Variants in PHACTR3 observed in about 807,000 individuals in gnomAD.
PHACTR3 encodes phosphatase and actin regulator 3, also known as protein phosphatase 1, regulatory subunit 123.
Under a neutral mutation model 66.8 loss-of-function variants are expected in PHACTR3, and 16 were observed. The observed-to-expected ratio is 0.24, with a 90% CI of 0.16 to 0.36. The LOEUF (loss-of-function observed/expected upper bound fraction) is 0.36. Ranked by LOEUF, PHACTR3 falls within the 10% of genes least tolerant of loss-of-function variation. The pLI is 1.00. For synonymous variants in PHACTR3, 323 were observed against 292.1 expected, an observed-to-expected ratio of 1.11 and a Z score of -1.08; for missense variants, 647 against 719.9, an observed-to-expected ratio of 0.90 and a Z score of 1.16.
intron 1 of PHACTR3, among the ~76,000 whole-genome samples, chr20:59,655,988 T>A (rs2035609338): frequency 6.6e-6 from 1 of 151,932 alleles, no homozygotes; most frequent in East Asian, 1.9e-4. Context: ...CTAATTTCAT[T>A]CCATTGTGGT....
chr20:59,600,817 C>T (rs1038975067), upstream of PHACTR3, among the ~76,000 whole-genome samples: 7 of 152,004 alleles, frequency 4.6e-5, no homozygotes, highest in African/African-American at 1.7e-4. Context: ...GGGGGTCCTT[C>T]GATGAGCTTC....
intron 1 of PHACTR3, among the ~76,000 whole-genome samples, chr20:59,670,614 G>A (rs115734029): frequency 3.1e-5 from 4 of 130,962 alleles, no homozygotes; most frequent in Admixed American, 7.9e-5. Flanking sequence ...GTGGGGGGGG[G>A]GGGCAGGCAC....
At chr20:59,700,744 G>A (rs147674575) in intron 1 of PHACTR3, among the ~76,000 whole-genome samples, 13 of 152,244 alleles carry the variant, frequency 8.5e-5, no homozygotes, top group African/African-American at 2.4e-4. Context: ...GGTAGTTCAC[G>A]TTTCCATGCT....
chr20:59,676,647 CT>C, intron 1 of PHACTR3: 1 of 980,810 alleles, frequency 1.0e-6, no homozygotes, highest in South Asian at 4.7e-5. Flanking sequence ...TGTGAGGGCT[CT>C]TTGCCAATCT....
rs371375162 is a variant in PHACTR3 at position 59,731,698 on chromosome 20, T to C, written c.119-11409T>C. Among the ~76,000 whole-genome samples, 6 of 152,294 alleles carry C rather than the reference T, an allele frequency of 3.9e-5. No homozygotes were observed. The East Asian group carries it at 5.8e-4, about 15-fold the overall frequency. On this transcript the variant is annotated intron_variant, in intron 1 of 12. Transcript: ENST00000371015. ...AAAAGAAGCCACTTTAATAATGTCT[T>C]GATTTTTCCACTGGTGTCAGAGTCA...
At position 59,738,401 on chromosome 20, in the gene PHACTR3, A is replaced by AGAAGGGAAGCCCTGGGGCTTCCCTGGG. The variant is rs1390753494; in HGVS notation, c.119-4696_119-4695insCCTGGGGCTTCCCTGGGGAAGGGAAGC. On this transcript the variant is annotated intron_variant, in intron 1 of 12. Coordinates refer to ENST00000371015, the MANE Select transcript of PHACTR3 (RefSeq NM_080672.5). The surrounding 1 kb of genome is among the most constrained non-coding windows in gnomAD (Gnocchi z 4.4). ...ATTAACTTGGATTTTGTCCTAAATG[A>AGAAGGGAAGCCCTGGGGCTTCCCTGGG]GAAGGGAAGCGAGCAGGAAGTGATA... is the stretch of plus-strand genomic sequence containing the variant. Among the ~76,000 whole-genome samples the AGAAGGGAAGCCCTGGGGCTTCCCTGGG allele has an allele frequency of 7.4e-3, 1,038 of 139,986 alleles. 6 individuals carry two copies. The highest frequency in any genetic ancestry group is 0.026 in the African/African-American group (918 of 35,834). 91.8% of individuals were successfully genotyped at this position (139,986 alleles called of 152,430 possible). A position where few individuals can be genotyped will look rare whatever the true frequency, so the allele number is the denominator to read the frequency against.
chr20:59,745,716 C>G (rs964630681), intron 2 of PHACTR3, among the ~76,000 whole-genome samples: 3 of 152,218 alleles, frequency 2.0e-5, no homozygotes, highest in African/African-American at 7.2e-5. Flanking sequence ...GAAGATGGCT[C>G]TCAGGGGCTG....
chr20:59,682,923 G>A (rs1035853186), intron 1 of PHACTR3, among the ~76,000 whole-genome samples: 5 of 152,074 alleles, frequency 3.3e-5, no homozygotes, highest in Admixed American at 6.5e-5. Context: ...GTGACGGGTC[G>A]GGGGGGACAT....
Position 59,605,038 on chromosome 20 carries a change from C to T in PHACTR3, c.24C>T (p.Ser8=). Residue 8 remains serine, a synonymous_variant, in exon 1 of 13, where the codon AGC becomes AGT. Transcript: ENST00000371015. ...CCATGGCCGCGTCGGAGGACGGGAG[C>T]GGCTGCCTCGTGTCGCGGGGCCGCT... MAASEDG[S]GCLVSRGRSQ... is the part of the protein sequence containing the mutation. 30 of 1,367,732 alleles carry T rather than the reference C, an allele frequency of 2.2e-5. No individual in the cohort carries two copies. The highest frequency in any genetic ancestry group is 2.9e-5 in the Non-Finnish European group (30 of 1,052,216). The allele number at this position is 1,367,732 out of a possible 1,614,324, so 84.7% of individuals were successfully genotyped here.
intron 1 of PHACTR3, among the ~76,000 whole-genome samples, chr20:59,591,870 C>T (rs1479020957): frequency 1.3e-5 from 2 of 152,086 alleles, no homozygotes; most frequent in Non-Finnish European, 2.9e-5. Context: ...ATAAAGAATA[C>T]AGTAGGATGT....
At chr20:59,702,314 G>A (rs2037534660) in intron 1 of PHACTR3, among the ~76,000 whole-genome samples, 1 of 152,034 alleles carries the variant, frequency 6.6e-6, no homozygotes, top group Non-Finnish European at 1.5e-5. Flanking sequence ...TCCCCACTCT[G>A]CAGACCCTCC....
chr20:59,808,438 C>T (rs1231656625), intron 8 of PHACTR3, among the ~76,000 whole-genome samples: 1 of 152,234 alleles, frequency 6.6e-6, no homozygotes, highest in Non-Finnish European at 1.5e-5. Flanking sequence ...GTCCCAGGAG[C>T]CACAGTCCAC....
rs549023371 is a variant in PHACTR3, at chr20:59,789,889, G to T, written c.1174+15399G>T. On this transcript the variant is annotated intron_variant, in intron 7 of 12. Coordinates refer to ENST00000371015, the MANE Select transcript of PHACTR3 (RefSeq NM_080672.5). ...AATTCATGCAGCCTGAACCCAGCAG[G>T]ATCCACGACTGCCAATCCTGGCTTG... 3.4e-4 allele frequency among the ~76,000 whole-genome samples: 52 copies of T among 152,292 alleles called. 1 individual carries two copies. Among genetic ancestry groups the T allele is most frequent in the African/African-American group, 1.2e-3 (48 of 41,564 alleles).
rs551797500 is a variant in PHACTR3 at position 59,754,154 on chromosome 20, C to T, written c.359-1028C>T. 1.4e-3 allele frequency among the ~76,000 whole-genome samples: 213 copies of T among 152,318 alleles called. 4 individuals are homozygous for T. The highest frequency in any genetic ancestry group is 4.8e-3 in the African/African-American group (200 of 41,562). On this transcript the variant is annotated intron_variant, in intron 3 of 12. Coordinates refer to ENST00000371015, the MANE Select transcript of PHACTR3 (RefSeq NM_080672.5). ...TGACTGTGACTTGCTGGCCGAGGGCCCTGCCATCCTGCAGTTGGGTAACTG... is the reference window on the plus strand; with the variant it reads ...TGACTGTGACTTGCTGGCCGAGGGCTCTGCCATCCTGCAGTTGGGTAACTG...
intron 1 of PHACTR3, among the ~76,000 whole-genome samples, chr20:59,651,081 T>C (rs1234452178): frequency 6.6e-6 from 1 of 152,056 alleles, no homozygotes; most frequent in Non-Finnish European, 1.5e-5. Flanking sequence ...CATCTTTGGG[T>C]TGACCATGGT....
intron 7 of PHACTR3, among the ~76,000 whole-genome samples, chr20:59,800,851 G>A (rs1283864476): frequency 2.6e-5 from 4 of 152,198 alleles, no homozygotes; most frequent in Non-Finnish European, 4.4e-5. Flanking sequence ...ACATTTGTTA[G>A]ATAGAACCAG....
chr20:59,772,273 G>C (rs754324127), intron 5 of PHACTR3, among the ~76,000 whole-genome samples: 10 of 152,208 alleles, frequency 6.6e-5, no homozygotes, highest in Non-Finnish European at 1.5e-4. Context: ...ATTTAGACTT[G>C]AATGAGCAAA....
chr20:59,629,557 G>C (rs1332897474), intron 1 of PHACTR3, among the ~76,000 whole-genome samples: 2 of 152,238 alleles, frequency 1.3e-5, no homozygotes, highest in Non-Finnish European at 2.9e-5. Flanking sequence ...GACTCTCTCT[G>C]TGGCTGTGAG....
intron 1 of PHACTR3, among the ~76,000 whole-genome samples, chr20:59,741,426 C>G (rs1352893143): frequency 1.3e-5 from 2 of 152,140 alleles, no homozygotes; most frequent in African/African-American, 2.4e-5. Context: ...TAAATCGGAG[C>G]CTGGTTGGGA....
Sources: gnomAD v4.1 joint callset for allele counts (sites outside exome capture counted in the v4.1 genomes callset) on GRCh38, gnomAD v4.1.1 for gene constraint, Gnocchi (gnomAD v3.1) non-coding constraint, MANE v1.5 for transcripts, NCBI Gene and HGNC (gene_info 2026-07-23, HGNC 2026-07-21) for gene names.